IL12RB2: variants seen among roughly 807,000 people sequenced by gnomAD.
IL12RB2 encodes interleukin-12 receptor subunit beta-2.
IL12RB2 carries 82 observed loss-of-function variants against 89.4 expected under a neutral mutation model. The observed-to-expected ratio is 0.92, with a 90% confidence interval of 0.77 to 1.10. The LOEUF (loss-of-function observed/expected upper bound fraction) is 1.10, where lower values mean the gene tolerates loss of function less well. Ranked by LOEUF, IL12RB2 falls within the 50% of genes least tolerant of loss-of-function variation. The pLI is 0.00. For synonymous variants in IL12RB2, 368 were observed against 370.1 expected (o/e 0.99, Z 0.07); for missense variants, 963 against 1,031.9 (o/e 0.93, Z 0.92).
intron 1 of IL12RB2, among the ~76,000 whole-genome samples, chr1:67,310,121 T>C (rs2100490431): frequency 6.8e-6 from 1 of 146,140 alleles, no homozygotes; most frequent in Admixed American, 7.0e-5. Flanking sequence ...GAGGCAGAGG[T>C]TGCAGTGAGC....
intron 10 of IL12RB2, among the ~76,000 whole-genome samples, chr1:67,360,526 G>A (rs1430456112): frequency 4.6e-5 from 7 of 151,794 alleles, no homozygotes; most frequent in African/African-American, 1.5e-4. Flanking sequence ...CAGGTGCAGT[G>A]GTTCACGCCT....
chr1:67,360,750 C>G (rs1001152497), intron 10 of IL12RB2, among the ~76,000 whole-genome samples: 1 of 151,078 alleles, frequency 6.6e-6, no homozygotes, highest in Admixed American at 6.6e-5. Context: ...GAACCAAGAT[C>G]ACTCTACTGC....
intron 9 of IL12RB2, among the ~76,000 whole-genome samples, chr1:67,343,620 TG>T (rs1441019131): frequency 6.6e-6 from 1 of 152,186 alleles, no homozygotes; most frequent in Non-Finnish European, 1.5e-5. Context: ...TGTTTTATAT[TG>T]TATTCTTTCC....
At chr1:67,330,200 G>T (rs1179743846) in intron 7 of IL12RB2, among the ~76,000 whole-genome samples, 3 of 151,594 alleles carry the variant, frequency 2.0e-5, no homozygotes, top group Non-Finnish European at 4.4e-5. Context: ...AAATTCAATG[G>T]CTTATAATAA....
At chr1:67,351,187 T>C in intron 10 of IL12RB2, 98 bp downstream of exon 10, 1 of 1,554,042 alleles carries the variant, frequency 6.4e-7, no homozygotes, top group Non-Finnish European at 8.7e-7. Context: ...AATGAGTAGC[T>C]AGGAGTTCAG....
rs370626311 is a variant in IL12RB2, at chr1:67,383,294, C to T, written c.1855+3171C>T. 1.8e-3 allele frequency among the ~76,000 whole-genome samples: 276 copies of T among 152,142 alleles called. 1 individual carries two copies. Among genetic ancestry groups the T allele is most frequent in the Non-Finnish European group, 2.4e-3 (162 of 68,026 alleles). On this transcript the variant is annotated intron_variant, in intron 14 of 16. Transcript: ENST00000674203. ...TGCCCCCATGATTGAATTACCTCCCCGCAAGTCCCTCACACCACATGTGGG... is the reference window on the plus strand; with the variant it reads ...TGCCCCCATGATTGAATTACCTCCCTGCAAGTCCCTCACACCACATGTGGG...
chr1:67,326,827 T>C lies in IL12RB2; in HGVS notation c.457T>C (p.Leu153=). 6.2e-7 allele frequency: 1 copy of C among 1,613,540 alleles called. No individual in the cohort carries two copies. The highest frequency in any genetic ancestry group is 8.5e-7 in the Non-Finnish European group (1 of 1,179,612). The change falls in exon 5 of 17, where the codon TTA becomes CTA. Residue 153 remains leucine, a synonymous_variant. Coordinates refer to ENST00000674203, the MANE Select transcript of IL12RB2 (RefSeq NM_001374259.2). ...CTGGGAAAGAGGACGAGACACCCAC[T>C]TATACACTGAGTATACTCTACAGTG... ...CTWERGRDTH[L]YTEYTLQLSG... is the part of the protein sequence containing the mutation.
intron 10 of IL12RB2, among the ~76,000 whole-genome samples, chr1:67,366,985 A>T (rs1662744898): frequency 6.6e-6 from 1 of 152,224 alleles, no homozygotes. Flanking sequence ...ATACGCACAA[A>T]ATAACACTAA....
chr1:67,386,872 TTATATATATATATATATA>T lies in IL12RB2; in HGVS notation c.1946+231_1946+248del, dbSNP rs1179774666. On this transcript the variant is annotated intron_variant, in intron 15 of 16. Coordinates refer to ENST00000674203, the MANE Select transcript of IL12RB2 (RefSeq NM_001374259.2). ...AACAATCTCTAACTAGAAATGTATT[TTATATATATATATATATA>T]TATATATATATATATATATATATAT... Among the ~76,000 whole-genome samples, 450 of 48,464 alleles carry T rather than the reference TTATATATATATATATATA, an allele frequency of 9.3e-3. 12 individuals are homozygous for T. The highest frequency in any genetic ancestry group is 0.036 in the Middle Eastern group (2 of 56). The allele number at this position is 48,464 out of a possible 152,430, so 31.8% of individuals were successfully genotyped here.
At chr1:67,330,328 T>C (rs1657897231) in intron 7 of IL12RB2, among the ~76,000 whole-genome samples, 1 of 151,978 alleles carries the variant, frequency 6.6e-6, no homozygotes, top group Admixed American at 6.6e-5. Context: ...CACATCCTAA[T>C]TGTAATCAAA....
chr1:67,372,592 G>A, intron 12 of IL12RB2, 33 bp from the exon 13 acceptor site: 1 of 1,611,392 alleles, frequency 6.2e-7, no homozygotes, highest in East Asian at 2.2e-5. Context: ...GGATTTGGAG[G>A]GTGACAGAAG....
rs1657589163 is a variant in IL12RB2 at position 67,328,225 on chromosome 1, T to C, written c.505T>C (p.Trp169Arg). 6.2e-7 allele frequency: 1 copy of C among 1,614,044 alleles called. No individual in the cohort carries two copies. The highest frequency in any genetic ancestry group is 8.5e-7 in the Non-Finnish European group (1 of 1,179,994). Residue 169 changes from tryptophan to arginine, a missense_variant, in exon 6 of 17, where the codon TGG (tryptophan) becomes CGG (arginine). Transcript: ENST00000674203. The stretch of plus-strand genomic sequence containing the variant: ...GCTAAGTGGACCAAAAAATTTAACC[T>C]GGCAGAAGCAATGTAAAGACATTTA... ...LQLSGPKNLTWQKQCKDIYCD... is the reference protein window; with the variant it reads ...LQLSGPKNLTRQKQCKDIYCD...
chr1:67,386,528 A>G (rs1341650716), intron 14 of IL12RB2, 51 bp from the exon 15 acceptor site: 5 of 1,269,536 alleles, frequency 3.9e-6, no homozygotes, highest in African/African-American at 2.9e-5. Context: ...AGGATTTTGA[A>G]ATGTTCATTG....
intron 14 of IL12RB2, among the ~76,000 whole-genome samples, chr1:67,383,066 G>A (rs12032123): frequency 0.7 from 106,517 of 151,696 alleles, 37,541 homozygotes; most frequent in South Asian, 0.73. Flanking sequence ...TTTATAAAGG[G>A]AAGAGGTTTA....
intron 2 of IL12RB2, among the ~76,000 whole-genome samples, chr1:67,317,853 G>T (rs1305714857): frequency 6.6e-6 from 1 of 152,144 alleles, no homozygotes; most frequent in African/African-American, 2.4e-5. Context: ...CTCTTATGGG[G>T]CTTATATTCT....
At chr1:67,359,245 T>G (rs1661719482) in intron 10 of IL12RB2, among the ~76,000 whole-genome samples, 1 of 152,258 alleles carries the variant, frequency 6.6e-6, no homozygotes. Flanking sequence ...GAATTCAATG[T>G]TAGTTCAAGT....
intron 9 of IL12RB2, among the ~76,000 whole-genome samples, chr1:67,344,423 G>A (rs945503358): frequency 2.6e-5 from 4 of 152,098 alleles, no homozygotes; most frequent in Admixed American, 2.0e-4. Flanking sequence ...CTCCCAGGTA[G>A]GTCAGATTAC....
chr1:67,338,770 A>C, intron 9 of IL12RB2, 67 bp downstream of exon 9: 2 of 809,624 alleles, frequency 2.5e-6, no homozygotes, highest in African/African-American at 1.7e-5. Context: ...ACCTATTTGC[A>C]TAGTGGCTTT....
At position 67,397,888 on chromosome 1, in the gene IL12RB2, A is replaced by T. The variant is rs1396544801; in HGVS notation, c.*1799A>T. ...TTCTTGCCTAACGTGAGGAACTAAA[A>T]ACTTGTCCATGCATACCCCAGTCCT... On this transcript the variant is annotated 3_prime_UTR_variant, in exon 17 of 17. Transcript: ENST00000674203. Among the ~76,000 whole-genome samples the T allele has an allele frequency of 1.3e-5, 2 of 152,072 alleles. No individual in the cohort carries two copies.
Sources: allele counts gnomAD v4.1 joint callset (sites outside exome capture counted in the v4.1 genomes callset), GRCh38; gene constraint gnomAD v4.1.1; transcripts MANE v1.5; gene names NCBI Gene and HGNC (gene_info 2026-07-23, HGNC 2026-07-21).